Variants in CEP290 observed in about 807,000 individuals in gnomAD.
The protein encoded by CEP290 is centrosomal protein 290, also known as centrosomal protein of 290 kDa.
A neutral mutation model predicts 344.9 loss-of-function variants in CEP290; 317 were observed. The observed-to-expected ratio is 0.92, with a 90% CI of 0.84 to 1.01. CEP290 has a LOEUF of 1.01. Ranked by LOEUF, CEP290 falls within the 50% of genes least tolerant of loss-of-function variation. CEP290 has a pLI of 0.00. For synonymous variants in CEP290, 932 were observed against 895.8 expected (o/e 1.04, Z -0.72); for missense variants, 2,754 against 2,761.4 (o/e 1.00, Z 0.06).
intron 20 of CEP290, 26 bp from the exon 21 acceptor site, chr12:88,111,884 A>G: frequency 2.1e-6 from 3 of 1,426,106 alleles, no homozygotes; most frequent in Non-Finnish European, 2.8e-6. Flanking sequence ...TATATATTAG[A>G]AATGTGGAGA....
At chr12:88,069,996 ATAAAAT>A in intron 43 of CEP290, among the ~76,000 whole-genome samples, 1 of 152,340 alleles carries the variant, frequency 6.6e-6, no homozygotes, top group South Asian at 2.1e-4. Context: ...TGTTGTCAGA[ATAAAAT>A]TAAAAAGTTT....
intron 20 of CEP290, among the ~76,000 whole-genome samples, chr12:88,113,473 C>T (rs901608661): frequency 2.0e-5 from 3 of 151,962 alleles, no homozygotes; most frequent in African/African-American, 7.2e-5. Context: ...CTCTCATTCT[C>T]TGTTAACAAT....
chr12:88,087,823 C>A lies in CEP290; in HGVS notation c.4151G>T (p.Arg1384Leu). Residue 1384 changes from arginine to leucine, a missense_variant, in exon 32 of 54, where the codon CGT (arginine) becomes CTT (leucine). Coordinates refer to ENST00000552810, the MANE Select transcript of CEP290 (RefSeq NM_025114.4). Reference sequence around the variant, plus strand: ...TTCTTCTTCAAGACTGCTGATTGTACGTTCATATTCAGAAATTATGTTATT... The same window carrying A: ...TTCTTCTTCAAGACTGCTGATTGTAAGTTCATATTCAGAAATTATGTTATT... ...YLNNIISEYE[R>L]TISSLEEEIV... 1.6e-6 allele frequency: 2 copies of A among 1,282,706 alleles called. No individual in the cohort carries two copies. Among genetic ancestry groups the A allele is most frequent in the Non-Finnish European group, 2.0e-6 (2 of 997,098 alleles). The allele number at this position is 1,282,706 out of a possible 1,614,324, so 79.5% of individuals were successfully genotyped here.
At chr12:88,116,270 T>G (rs1302283177) in intron 18 of CEP290, among the ~76,000 whole-genome samples, 4 of 152,236 alleles carry the variant, frequency 2.6e-5, no homozygotes, top group African/African-American at 9.6e-5. Context: ...CTAGATTTCT[T>G]GAAGACTGCA....
chr12:88,092,543 T>C, intron 29 of CEP290, 138 bp downstream of exon 29: 1 of 618,450 alleles, frequency 1.6e-6, no homozygotes, highest in Non-Finnish European at 2.6e-6. Context: ...CCGATCTTAA[T>C]ATTACTTAAT....
chr12:88,056,368 G>A (rs2034003798), intron 49 of CEP290, among the ~76,000 whole-genome samples: 1 of 152,026 alleles, frequency 6.6e-6, no homozygotes, highest in Admixed American at 6.6e-5. Flanking sequence ...AACTTTTCCA[G>A]AGAAATGAAT....
chr12:88,072,825 A>T (rs1465292219), intron 41 of CEP290, among the ~76,000 whole-genome samples: 1 of 152,178 alleles, frequency 6.6e-6, no homozygotes. Context: ...TATCTAGTTT[A>T]TACTAGTTGG....
chr12:88,058,471 G>C, intron 49 of CEP290: 1 of 229,656 alleles, frequency 4.4e-6, no homozygotes. Context: ...CATACTTGAG[G>C]AAGCAAATTA....
Position 88,059,906 on chromosome 12 carries a change from G to C in CEP290, c.6637C>G (p.Leu2213Val). 1 of 1,585,296 alleles carries C rather than the reference G, an allele frequency of 6.3e-7. No homozygotes were observed. The highest frequency in any genetic ancestry group is 1.2e-5 in the South Asian group (1 of 85,198). Reference sequence around the variant, plus strand: ...AGTCATAAAAGTCATACTTTTTTAAGTTCTTTACGAAGCCTTTCATTTTCA... The same window carrying C: ...AGTCATAAAAGTCATACTTTTTTAACTTCTTTACGAAGCCTTTCATTTTCA... ...IAENERLRKE[L>V]KKETDAAEKL... Residue 2213 changes from leucine to valine, a missense_variant, in exon 48 of 54, where the codon CTT becomes GTT. By Grantham distance (32) the Leu-to-Val change is conservative. Transcript: ENST00000552810.
chr12:88,099,558 T>A (rs1248608366), intron 26 of CEP290, among the ~76,000 whole-genome samples: 8 of 152,146 alleles, frequency 5.3e-5, no homozygotes, highest in African/African-American at 1.9e-4. Flanking sequence ...AACTTATATT[T>A]GAGTGGAGTA....
intron 15 of CEP290, among the ~76,000 whole-genome samples, chr12:88,119,903 T>A (rs956727613): frequency 7.2e-5 from 11 of 152,246 alleles, no homozygotes; most frequent in East Asian, 1.9e-4. Context: ...TAAAGCAATG[T>A]TCCAGCCCTG....
chr12:88,123,828 A>G (rs2039565724), intron 13 of CEP290, among the ~76,000 whole-genome samples: 1 of 152,004 alleles, frequency 6.6e-6, no homozygotes, highest in Admixed American at 6.6e-5. Flanking sequence ...CAAACCTAAC[A>G]TGTCTAAAAT....
Position 88,086,417 on chromosome 12 carries a change from T to G in CEP290, c.4276A>C (p.Asn1426His). 16 of 1,595,058 alleles carry G rather than the reference T, an allele frequency of 1.0e-5. No individual in the cohort carries two copies. The highest frequency in any genetic ancestry group is 1.4e-5 in the Non-Finnish European group (16 of 1,168,906). ...TTTTGTGCCGCATTTAGTATTTCAT[T>G]TTGCTGACGGTCAAAAATGTCTAGT... ...RQLDIFDRQQNEILNAAQKFE... is the reference protein window; with the variant it reads ...RQLDIFDRQQHEILNAAQKFE... Residue 1426 changes from asparagine (N) to histidine (H), a missense_variant, in exon 33 of 54, where the codon AAT (asparagine) becomes CAT (histidine). Physicochemically the swap from Asn to His is moderately conservative, Grantham distance 68. Transcript: ENST00000552810.
intron 5 of CEP290, among the ~76,000 whole-genome samples, chr12:88,138,580 A>C (rs1470785978): frequency 6.6e-6 from 1 of 152,104 alleles, no homozygotes; most frequent in African/African-American, 2.4e-5. Flanking sequence ...ACTCTTTTTA[A>C]CAGAAGATGT....
chr12:88,058,232 T>C lies in CEP290; in HGVS notation c.6818+616A>G, dbSNP rs1342957447. 16 of 152,482 alleles carry C rather than the reference T, an allele frequency of 1.0e-4. 1 individual carries two copies. Among genetic ancestry groups the C allele is most frequent in the Non-Finnish European group, 2.0e-4 (14 of 68,304 alleles). The allele number at this position is 152,482 out of a possible 1,614,324, so 9.4% of individuals were successfully genotyped here. On this transcript the variant is annotated intron_variant, in intron 49 of 53. Transcript: ENST00000552810. ...TACTCATAAACTACCACTACCTCTT[T>C]CATAGCCACAAAAATTAGTTTCACA...
At chr12:88,084,414 C>T (rs912433687) in intron 35 of CEP290, among the ~76,000 whole-genome samples, 172 bp downstream of exon 35, 6 of 152,110 alleles carry the variant, frequency 3.9e-5, no homozygotes, top group Non-Finnish European at 8.8e-5. Flanking sequence ...TACATGTACA[C>T]AAACTTCCAG....
chr12:88,136,529 G>A, intron 6 of CEP290, 114 bp downstream of exon 6: 1 of 1,030,314 alleles, frequency 9.7e-7, no homozygotes, highest in Non-Finnish European at 1.5e-6. Context: ...AGAGATAAGT[G>A]TACATCATTT....
At chr12:88,096,775 C>CT in intron 27 of CEP290, 113 bp downstream of exon 27, 1 of 588,808 alleles carries the variant, frequency 1.7e-6, no homozygotes. Context: ...AAAGTTCTTT[C>CT]TTTTTTTAGT....
rs1454741308 is a variant in CEP290, at chr12:88,138,561, C to T, written c.297+584G>A. Among the ~76,000 whole-genome samples, 19 of 152,132 alleles carry T rather than the reference C, an allele frequency of 1.2e-4. 1 individual carries two copies. The highest frequency in any genetic ancestry group is 1.2e-3 in the Admixed American group (19 of 15,274). On this transcript the variant is annotated intron_variant, in intron 5 of 53. Coordinates refer to ENST00000552810, the MANE Select transcript of CEP290 (RefSeq NM_025114.4). Reference sequence around the variant, plus strand: ...CTAATTTCCTTAAAATGTGACCACACCATTTCCCACTCTTTTTAACAGAAG... The same window carrying T: ...CTAATTTCCTTAAAATGTGACCACATCATTTCCCACTCTTTTTAACAGAAG...
Sources: gnomAD v4.1 joint callset for allele counts (sites outside exome capture counted in the v4.1 genomes callset) on GRCh38, gnomAD v4.1.1 for gene constraint, MANE v1.5 for transcripts, NCBI Gene and HGNC (gene_info 2026-07-23, HGNC 2026-07-21) for gene names.